NREP: variants seen among roughly 807,000 people sequenced by gnomAD.
NREP encodes neuronal regeneration-related protein.
Under a neutral mutation model 8.6 loss-of-function variants are expected in NREP, and 5 were observed. That is an observed-to-expected ratio of 0.58 (90% CI 0.30 to 1.22). The LOEUF is 1.22. NREP is among the 50% of genes most tolerant of loss of function. NREP has a pLI of 0.07. For missense variants in NREP, 86 were observed against 82.5 expected, an observed-to-expected ratio of 1.04 and a Z score of -0.17; for synonymous variants, 27 against 28.0, an observed-to-expected ratio of 0.96 and a Z score of 0.11.
At chr5:111,976,883 G>A in exon 1 of NREP, 1 of 615,722 alleles carries the variant, frequency 1.6e-6, no homozygotes, top group Non-Finnish European at 2.9e-6. Context: ...TAGCATGATT[G>A]CACTGCCTGG....
chr5:111,807,890 G>A (rs150682512), intron 2 of NREP, among the ~76,000 whole-genome samples: 325 of 151,714 alleles, frequency 2.1e-3, no homozygotes, highest in Non-Finnish European at 2.7e-3. Flanking sequence ...TGTGAAGATG[G>A]TACTTGAAAG....
intron 2 of NREP, among the ~76,000 whole-genome samples, chr5:111,751,610 G>C (rs1447319590): frequency 6.6e-6 from 1 of 152,090 alleles, no homozygotes; most frequent in East Asian, 1.9e-4. Flanking sequence ...TACCAACCAA[G>C]ATGACATAAT....
At chr5:111,774,885 T>C (rs935966511) in intron 2 of NREP, among the ~76,000 whole-genome samples, 1 of 152,192 alleles carries the variant, frequency 6.6e-6, no homozygotes, top group Non-Finnish European at 1.5e-5. Context: ...ATGGGTGTTG[T>C]CTTTATTGCT....
chr5:111,889,302 T>A (rs1754337627), intron 2 of NREP, among the ~76,000 whole-genome samples: 1 of 152,082 alleles, frequency 6.6e-6, no homozygotes. Context: ...CACACACTTT[T>A]ACACAATCAG....
intron 2 of NREP, among the ~76,000 whole-genome samples, chr5:111,915,191 C>T (rs1422072530): frequency 1.3e-5 from 2 of 152,062 alleles, no homozygotes; most frequent in African/African-American, 4.8e-5. Flanking sequence ...TGCATTCCCC[C>T]AGGGTGGTTT....
At chr5:111,899,607 A>C (rs1603082) in intron 2 of NREP, among the ~76,000 whole-genome samples, 92,906 of 152,060 alleles carry the variant, frequency 0.61, 28,792 homozygotes, top group Non-Finnish European at 0.65. Context: ...CAATAACAAC[A>C]TATGTAAATG....
At chr5:111,800,047 G>C (rs1751965827) in intron 2 of NREP, among the ~76,000 whole-genome samples, 1 of 151,278 alleles carries the variant, frequency 6.6e-6, no homozygotes, top group Non-Finnish European at 1.5e-5. Flanking sequence ...AGCCTCCTGA[G>C]TAGCTGGGAC....
At chr5:111,816,503 C>T (rs2112919641) in intron 2 of NREP, among the ~76,000 whole-genome samples, 1 of 152,110 alleles carries the variant, frequency 6.6e-6, no homozygotes, top group South Asian at 2.1e-4. Flanking sequence ...CTTTTATTGT[C>T]TGAGAAGTAC....
At chr5:111,855,324 T>G (rs1178913948) in intron 2 of NREP, among the ~76,000 whole-genome samples, 1 of 152,232 alleles carries the variant, frequency 6.6e-6, no homozygotes, top group Admixed American at 6.5e-5. Context: ...AATAAAATGC[T>G]TATACATGAT....
intron 2 of NREP, among the ~76,000 whole-genome samples, chr5:111,821,923 G>A (rs892435350): frequency 1.2e-4 from 18 of 152,028 alleles, no homozygotes; most frequent in African/African-American, 4.1e-4. Flanking sequence ...GTAATATTAC[G>A]TAGAATATGC....
intron 2 of NREP, among the ~76,000 whole-genome samples, chr5:111,796,539 C>T (rs1751876496): frequency 6.6e-6 from 1 of 152,186 alleles, no homozygotes; most frequent in South Asian, 2.1e-4. Flanking sequence ...CATCTGCTTA[C>T]TCGTGTAATT....
At chr5:111,883,824 G>A (rs1419117755) in intron 2 of NREP, among the ~76,000 whole-genome samples, 7 of 152,082 alleles carry the variant, frequency 4.6e-5, no homozygotes, top group East Asian at 1.9e-4. Flanking sequence ...ATTCAAAGCA[G>A]TGTGTAGAGG....
intron 2 of NREP, among the ~76,000 whole-genome samples, chr5:111,792,087 ACTAT>A (rs1231244755): frequency 1.3e-5 from 2 of 152,210 alleles, no homozygotes; most frequent in Non-Finnish European, 2.9e-5. Context: ...GTGTGAAGAA[ACTAT>A]CTGTTTCTCT....
At chr5:111,758,202 G>A, upstream of NREP, 1 of 985,560 alleles carries the variant, frequency 1.0e-6, no homozygotes, top group African/African-American at 1.7e-5. Context: ...GGGCCCAGAG[G>A]TCCTGTGGCT....
chr5:111,757,873 G>A, upstream of NREP: 1 of 981,098 alleles, frequency 1.0e-6, no homozygotes, highest in Non-Finnish European at 1.2e-6. Flanking sequence ...AAGGCGGCCA[G>A]GGTGCTGCAC....
chr5:111,839,871 T>C (rs1235145226), intron 2 of NREP, among the ~76,000 whole-genome samples: 1 of 152,098 alleles, frequency 6.6e-6, no homozygotes, highest in Non-Finnish European at 1.5e-5. Flanking sequence ...CATGAGACTC[T>C]GTAGAACTGG....
intron 2 of NREP, among the ~76,000 whole-genome samples, chr5:111,747,514 G>C (rs527448854): frequency 3.9e-5 from 6 of 152,252 alleles, no homozygotes; most frequent in African/African-American, 1.2e-4. Flanking sequence ...GAGCTGGGAT[G>C]GGGGAGAGAA....
chr5:111,892,276 G>GC (rs1376498317), intron 2 of NREP, among the ~76,000 whole-genome samples: 3 of 152,046 alleles, frequency 2.0e-5, no homozygotes, highest in African/African-American at 4.8e-5. Flanking sequence ...ACAATAGAGG[G>GC]CATCTACTTA....
Position 111,813,702 on chromosome 5 carries a change from G to C in NREP, c.136-78195C>G, listed in dbSNP as rs536033029. Among the ~76,000 whole-genome samples the C allele has an allele frequency of 3.3e-5, 5 of 152,148 alleles. No homozygotes were observed. The East Asian group carries it at 9.6e-4, about 29-fold the overall frequency. On this transcript the variant is annotated intron_variant, in intron 2 of 3. Transcript: ENST00000395634. Reference sequence around the variant, plus strand: ...TCTCTGAAAGGAACTGGTTGTTATGGTTACCATAGAAAACAGAGAAGGGGA... The same window carrying C: ...TCTCTGAAAGGAACTGGTTGTTATGCTTACCATAGAAAACAGAGAAGGGGA...
Sources: allele counts gnomAD v4.1 joint callset (sites outside exome capture counted in the v4.1 genomes callset), GRCh38; gene constraint gnomAD v4.1.1; transcripts MANE v1.5; gene names NCBI Gene and HGNC (gene_info 2026-07-23, HGNC 2026-07-21).